Variants in TRAF3 observed in about 807,000 individuals in gnomAD.
TRAF3 encodes TNF receptor-associated factor 3.
In TRAF3, 13 loss-of-function variants were observed where a neutral mutation model predicts 62.3. The observed-to-expected ratio is 0.21, with a 90% confidence interval of 0.14 to 0.33. TRAF3 has a LOEUF of 0.33. Among genes scored for constraint, TRAF3 ranks in the 10% least tolerant of loss-of-function variants. TRAF3 has a pLI of 1.00. For missense variants in TRAF3, 440 were observed against 741.8 expected (o/e 0.59, Z 4.73); for synonymous variants, 269 against 283.4 (o/e 0.95, Z 0.51).
At chr14:102,798,248 G>T (rs1046824377) in intron 1 of TRAF3, among the ~76,000 whole-genome samples, 6 of 150,910 alleles carry the variant, frequency 4.0e-5, no homozygotes, top group Non-Finnish European at 7.4e-5. Context: ...TTGAGACTGG[G>T]TCTTGCTCTG....
At position 102,910,254 on chromosome 14, in the gene TRAF3, T is replaced by C. The variant is rs1185836192; in HGVS notation, c.*4470T>C. On this transcript the variant is annotated 3_prime_UTR_variant, in exon 12 of 12. Transcript: ENST00000392745. The stretch of plus-strand genomic sequence containing the variant: ...CTCTGGCAGAGCTGTAAAATACTGT[T>C]TTTTAAAAATTTTAGTCCAGATCTT... The C allele has an allele frequency of 6.6e-6, 1 of 152,246 alleles. No homozygotes were observed. The highest frequency in any genetic ancestry group is 1.5e-5 in the Non-Finnish European group (1 of 68,054). 9.4% of individuals were successfully genotyped at this position (152,246 alleles called of 1,614,324 possible).
At chr14:102,872,157 C>A (rs1372432897) in intron 4 of TRAF3, among the ~76,000 whole-genome samples, 189 bp downstream of exon 4, 1 of 152,202 alleles carries the variant, frequency 6.6e-6, no homozygotes, top group Non-Finnish European at 1.5e-5. Context: ...TCCACTTGGC[C>A]ACTTCCCTAC....
intron 1 of TRAF3, among the ~76,000 whole-genome samples, chr14:102,801,705 A>T (rs891132062): frequency 6.6e-6 from 1 of 151,834 alleles, no homozygotes; most frequent in Admixed American, 6.6e-5. Flanking sequence ...TGCTTAATTT[A>T]AAAAAAATTT....
chr14:102,821,905 G>A (rs905575740), intron 1 of TRAF3, among the ~76,000 whole-genome samples: 4 of 152,164 alleles, frequency 2.6e-5, no homozygotes, highest in African/African-American at 9.7e-5. Context: ...AGCCGGGTGT[G>A]GTGGCGTGTG....
intron 2 of TRAF3, among the ~76,000 whole-genome samples, chr14:102,849,534 A>G (rs1023636793): frequency 1.3e-5 from 2 of 152,230 alleles, no homozygotes; most frequent in Non-Finnish European, 2.9e-5. Context: ...TTGTTTTCTC[A>G]AAGGCTTTAA....
chr14:102,876,727 G>A (rs1888680029), intron 6 of TRAF3: 5 of 669,384 alleles, frequency 7.5e-6, no homozygotes, highest in Non-Finnish European at 1.3e-5. Flanking sequence ...CCGTTCCACA[G>A]GCCTTCCCTC....
intron 7 of TRAF3, among the ~76,000 whole-genome samples, chr14:102,888,807 T>C (rs1216321152): frequency 6.6e-6 from 1 of 152,252 alleles, no homozygotes. Flanking sequence ...CCTTAAAATG[T>C]AATCCTTTCC....
intron 1 of TRAF3, among the ~76,000 whole-genome samples, chr14:102,784,286 G>C (rs978564178): frequency 7.1e-5 from 10 of 140,814 alleles, no homozygotes; most frequent in African/African-American, 2.8e-4. Flanking sequence ...GCAGTGGCAC[G>C]ATCTCGACTC....
chr14:102,876,807 C>A (rs1888689695), intron 6 of TRAF3: 1 of 444,494 alleles, frequency 2.2e-6, no homozygotes. Context: ...AAGCCTTCCG[C>A]TCAATTCGTA....
At chr14:102,895,339 T>G in intron 9 of TRAF3, 1 of 268,368 alleles carries the variant, frequency 3.7e-6, no homozygotes, top group East Asian at 1.2e-4. Context: ...AATACATACT[T>G]GTTTTAAAAT....
At chr14:102,891,069 CG>C (rs1351922272) in intron 8 of TRAF3, among the ~76,000 whole-genome samples, 2 of 152,168 alleles carry the variant, frequency 1.3e-5, no homozygotes, top group African/African-American at 4.8e-5. Flanking sequence ...TGAAGGGATG[CG>C]GAGATAACCC....
At chr14:102,779,860 T>TTAGATCACTGA (rs1897199595) in intron 1 of TRAF3, among the ~76,000 whole-genome samples, 2 of 152,248 alleles carry the variant, frequency 1.3e-5, no homozygotes, top group African/African-American at 4.8e-5. Flanking sequence ...ACCTATCAAG[T>TTAGATCACTGA]ATTATGCAAT....
At chr14:102,819,392 C>T (rs1052550875) in intron 1 of TRAF3, among the ~76,000 whole-genome samples, 4 of 152,232 alleles carry the variant, frequency 2.6e-5, no homozygotes, top group East Asian at 1.9e-4. Context: ...TGTCACCTCA[C>T]GGTCTTCCCC....
intron 2 of TRAF3, among the ~76,000 whole-genome samples, chr14:102,856,016 C>A (rs1393827199): frequency 2.0e-5 from 3 of 147,338 alleles, no homozygotes; most frequent in African/African-American, 7.6e-5. Context: ...TGCCTGAGCC[C>A]AGGAGTTCAA....
chr14:102,868,966 C>T (rs777415538), intron 2 of TRAF3, among the ~76,000 whole-genome samples: 1 of 152,204 alleles, frequency 6.6e-6, no homozygotes, highest in Non-Finnish European at 1.5e-5. Context: ...GGCAGCCAGT[C>T]TTAAAGAGTA....
chr14:102,821,639 G>A (rs568005798), intron 1 of TRAF3, among the ~76,000 whole-genome samples: 1 of 152,332 alleles, frequency 6.6e-6, no homozygotes, highest in Non-Finnish European at 1.5e-5. Flanking sequence ...TATGGAATTG[G>A]AAATGTTTGA....
intron 1 of TRAF3, among the ~76,000 whole-genome samples, chr14:102,821,819 A>G (rs1003603974): frequency 6.6e-6 from 1 of 152,184 alleles, no homozygotes; most frequent in African/African-American, 2.4e-5. Context: ...CGAGGCAGGC[A>G]GATCATGAGG....
At chr14:102,807,506 C>T (rs192636070) in intron 1 of TRAF3, among the ~76,000 whole-genome samples, 5 of 152,288 alleles carry the variant, frequency 3.3e-5, no homozygotes, top group Admixed American at 6.5e-5. Flanking sequence ...CTGCCCAGGC[C>T]GGTCTTGGTC....
chr14:102,872,403 G>A (rs184712485), intron 4 of TRAF3, among the ~76,000 whole-genome samples: 62 of 152,348 alleles, frequency 4.1e-4, no homozygotes, highest in Admixed American at 2.2e-3. Context: ...AGGCTGAGGG[G>A]TTCATTTGAG....
Sources: allele counts gnomAD v4.1 joint callset (sites outside exome capture counted in the v4.1 genomes callset), GRCh38; gene constraint gnomAD v4.1.1; transcripts MANE v1.5; gene names NCBI Gene and HGNC (gene_info 2026-07-23, HGNC 2026-07-21).